HECW1: variants seen among roughly 807,000 people sequenced by gnomAD.
The protein encoded by HECW1 is E3 ubiquitin-protein ligase HECW1.
In HECW1, 61 loss-of-function variants were observed where a neutral mutation model predicts 182.3. The observed-to-expected ratio is 0.33, with a 90% CI of 0.27 to 0.41. The LOEUF (loss-of-function observed/expected upper bound fraction) is 0.41, where lower values mean the gene tolerates loss of function less well. Among genes scored for constraint, HECW1 ranks in the 10% least tolerant of loss-of-function variants. HECW1 has a pLI of 1.00. For missense variants in HECW1, 1,739 were observed against 2,108.9 expected, an observed-to-expected ratio of 0.82 and a Z score of 3.44; for synonymous variants, 859 against 832.6, an observed-to-expected ratio of 1.03 and a Z score of -0.55.
chr7:43,425,147 C>T (rs2076316089), intron 8 of HECW1, among the ~76,000 whole-genome samples: 1 of 151,918 alleles, frequency 6.6e-6, no homozygotes, highest in Non-Finnish European at 1.5e-5. Context: ...AATGGAGTTG[C>T]AACAAGCTTT....
At chr7:43,117,414 C>T (rs924794919) in intron 2 of HECW1, among the ~76,000 whole-genome samples, 2 of 151,948 alleles carry the variant, frequency 1.3e-5, no homozygotes, top group Non-Finnish European at 2.9e-5. Context: ...GCCAGTAGTA[C>T]ACTGCCACCC....
chr7:43,520,165 A>G (rs567584898), intron 24 of HECW1, among the ~76,000 whole-genome samples: 1 of 152,318 alleles, frequency 6.6e-6, no homozygotes, highest in South Asian at 2.1e-4. Flanking sequence ...TGGGTTCTAC[A>G]AACTGTTCTA....
At chr7:43,274,642 A>G in intron 3 of HECW1, 2 of 348,542 alleles carry the variant, frequency 5.7e-6, no homozygotes, top group East Asian at 8.0e-5. Flanking sequence ...CGGGGGAGGG[A>G]GGGAGAGAGA....
chr7:43,550,319 G>A, intron 26 of HECW1, 126 bp from the exon 27 acceptor site: 1 of 1,007,456 alleles, frequency 9.9e-7, no homozygotes, highest in Non-Finnish European at 1.5e-6. Flanking sequence ...AGACTCCAGG[G>A]ATAATAATGC....
chr7:43,371,433 A>G (rs1817347502), intron 6 of HECW1, among the ~76,000 whole-genome samples: 1 of 152,108 alleles, frequency 6.6e-6, no homozygotes, highest in South Asian at 2.1e-4. Flanking sequence ...CTTTCTGCTC[A>G]GTTTTGCTGT....
In HECW1 at chr7:43,445,074, G is replaced by C; in HGVS notation, c.1902G>C (p.Gly634=). ...TPGTAHPGHS[G]GHFPSLANGA... Reference sequence around the variant, plus strand: ...GCACGGCGCACCCTGGCCACTCCGGGGGCCACTTCCCCAGCCTGGCCAATG... The same window carrying C: ...GCACGGCGCACCCTGGCCACTCCGGCGGCCACTTCCCCAGCCTGGCCAATG... Residue 634 remains glycine, a synonymous_variant, in exon 11 of 30, where the codon GGG becomes GGC. Coordinates refer to ENST00000395891, the MANE Select transcript of HECW1 (RefSeq NM_015052.5). 1.3e-6 allele frequency: 2 copies of C among 1,598,996 alleles called. No homozygotes were observed. The highest frequency in any genetic ancestry group is 1.7e-6 in the Non-Finnish European group (2 of 1,173,728).
chr7:43,515,771 A>G (rs189214000), intron 24 of HECW1, among the ~76,000 whole-genome samples: 2 of 152,334 alleles, frequency 1.3e-5, no homozygotes, highest in African/African-American at 4.8e-5. Flanking sequence ...AACATTTTTA[A>G]TATTTACCAA....
chr7:43,115,792 T>C (rs931945210), intron 2 of HECW1, among the ~76,000 whole-genome samples: 2 of 152,262 alleles, frequency 1.3e-5, no homozygotes. Context: ...CTGCAAGGCA[T>C]AATTAACCAC....
chr7:43,142,277 GT>G (rs1186704858), intron 2 of HECW1, among the ~76,000 whole-genome samples: 1 of 152,180 alleles, frequency 6.6e-6, no homozygotes, highest in Non-Finnish European at 1.5e-5. Context: ...GGACAACACT[GT>G]GGATATTGCC....
At chr7:43,251,164 G>A (rs2152726390) in intron 3 of HECW1, among the ~76,000 whole-genome samples, 1 of 152,300 alleles carries the variant, frequency 6.6e-6, no homozygotes, top group African/African-American at 2.4e-5. Context: ...GGTGGTGAAG[G>A]TGCCAAGCTA....
intron 5 of HECW1, among the ~76,000 whole-genome samples, chr7:43,344,032 T>G (rs1813365053): frequency 6.6e-6 from 1 of 151,874 alleles, no homozygotes; most frequent in Non-Finnish European, 1.5e-5. Flanking sequence ...TCTTCGTGTG[T>G]CTGTTGGCTG....
At chr7:43,358,886 G>A (rs1438640974) in intron 5 of HECW1, among the ~76,000 whole-genome samples, 7 of 144,874 alleles carry the variant, frequency 4.8e-5, no homozygotes, top group Non-Finnish European at 7.4e-5. Context: ...GTGCAATGGC[G>A]TGATCTTGGC....
At chr7:43,263,764 A>G (rs981317635) in intron 3 of HECW1, among the ~76,000 whole-genome samples, 5 of 152,164 alleles carry the variant, frequency 3.3e-5, no homozygotes, top group Non-Finnish European at 7.3e-5. Flanking sequence ...AGGGAGGGAG[A>G]GAGAGGGGAC....
intron 3 of HECW1, among the ~76,000 whole-genome samples, chr7:43,281,876 G>A (rs923848934): frequency 6.6e-6 from 1 of 151,798 alleles, no homozygotes; most frequent in Non-Finnish European, 1.5e-5. Context: ...CTCAGAATTG[G>A]ATTCTTATGG....
At chr7:43,266,623 C>CG (rs1446546180) in intron 3 of HECW1, among the ~76,000 whole-genome samples, 22 of 152,312 alleles carry the variant, frequency 1.4e-4, no homozygotes, top group Admixed American at 9.1e-4. Flanking sequence ...CGTGAGCCAC[C>CG]GTGCCCGGCC....
chr7:43,239,427 G>C (rs1381340026), intron 2 of HECW1, among the ~76,000 whole-genome samples: 1 of 152,166 alleles, frequency 6.6e-6, no homozygotes, highest in Non-Finnish European at 1.5e-5. Context: ...CATGTACCGG[G>C]TTGGTTGGTC....
At chr7:43,439,807 A>G (rs764597376) in intron 9 of HECW1, 15 of 152,434 alleles carry the variant, frequency 9.8e-5, no homozygotes, top group South Asian at 2.1e-4. Context: ...TGAGGTGGAA[A>G]AGGGTGTCCC....
intron 5 of HECW1, among the ~76,000 whole-genome samples, chr7:43,345,115 T>C (rs1350801883): frequency 6.6e-6 from 1 of 152,222 alleles, no homozygotes; most frequent in Non-Finnish European, 1.5e-5. Flanking sequence ...GAGGAACTTA[T>C]GTTGAACAGG....
intron 3 of HECW1, among the ~76,000 whole-genome samples, chr7:43,261,542 C>G (rs983916281): frequency 2.0e-5 from 3 of 152,160 alleles, no homozygotes; most frequent in Non-Finnish European, 4.4e-5. Context: ...ACCTGGCTGC[C>G]CCTGGTACAG....
Sources: allele counts gnomAD v4.1 joint callset (sites outside exome capture counted in the v4.1 genomes callset), GRCh38; gene constraint gnomAD v4.1.1; transcripts MANE v1.5; gene names NCBI Gene and HGNC (gene_info 2026-07-23, HGNC 2026-07-21).